FAT3: variants seen among roughly 807,000 people sequenced by gnomAD.
FAT3 encodes the protein FAT atypical cadherin 3.
A neutral mutation model predicts 310.2 loss-of-function variants in FAT3; 95 were observed. The ratio of observed to expected loss-of-function variants is 0.31; its 90% confidence interval spans 0.26 to 0.36. The LOEUF is 0.36. Ranked by LOEUF, FAT3 falls within the 10% of genes least tolerant of loss-of-function variation. The probability of loss-of-function intolerance (pLI) is 1.00; values close to 1 mark genes in which losing one functional copy is unlikely to be tolerated. For missense variants in FAT3, 5,408 were observed against 5,715.6 expected (o/e 0.95, Z 1.74); for synonymous variants, 2,314 against 2,192.9 (o/e 1.06, Z -1.54).
chr11:92,566,927 A>C (rs2135489381), intron 3 of FAT3, among the ~76,000 whole-genome samples: 1 of 152,260 alleles, frequency 6.6e-6, no homozygotes, highest in African/African-American at 2.4e-5. Flanking sequence ...CTAAAACCAT[A>C]AAAACCGTAG....
chr11:92,505,859 A>G (rs1437716804), intron 2 of FAT3, among the ~76,000 whole-genome samples: 3 of 152,174 alleles, frequency 2.0e-5, no homozygotes, highest in Non-Finnish European at 4.4e-5. Context: ...ACTATGTGCA[A>G]TAACTGTCAG....
chr11:92,544,370 A>G (rs973228359), intron 3 of FAT3, among the ~76,000 whole-genome samples: 3 of 152,170 alleles, frequency 2.0e-5, no homozygotes, highest in Admixed American at 1.3e-4. Context: ...GAATAAGTCA[A>G]ATGTTTCTAG....
At chr11:92,244,549 T>A (rs922292853) in intron 1 of FAT3, among the ~76,000 whole-genome samples, 5 of 152,140 alleles carry the variant, frequency 3.3e-5, no homozygotes, top group Non-Finnish European at 7.4e-5. Flanking sequence ...AGAGCTTTAA[T>A]CAGGAGTCAC....
intron 1 of FAT3, among the ~76,000 whole-genome samples, chr11:92,281,943 T>TC (rs1209116894): frequency 2.0e-5 from 3 of 150,602 alleles, no homozygotes; most frequent in East Asian, 1.9e-4. Context: ...TCTCTCTCTC[T>TC]TGCCCAGACT....
At chr11:92,290,335 G>T (rs201876975) in intron 1 of FAT3, among the ~76,000 whole-genome samples, 1 of 152,092 alleles carries the variant, frequency 6.6e-6, no homozygotes, top group East Asian at 1.9e-4. Flanking sequence ...GTCTGAGCCT[G>T]TATCACTAGC....
At chr11:92,514,678 C>A (rs1953416729) in intron 2 of FAT3, among the ~76,000 whole-genome samples, 1 of 152,074 alleles carries the variant, frequency 6.6e-6, no homozygotes, top group Non-Finnish European at 1.5e-5. Context: ...GAATCAGAGA[C>A]AGAGATCAGA....
chr11:92,471,915 CTATATATATATATATATATATATATA>C (rs140886151), intron 2 of FAT3, among the ~76,000 whole-genome samples: 6 of 124,932 alleles, frequency 4.8e-5, no homozygotes, highest in East Asian at 2.5e-4. Flanking sequence ...TTTTCATATG[CTATATATATATATATATATATATATA>C]TATATATATA....
intron 4 of FAT3, among the ~76,000 whole-genome samples, chr11:92,725,601 T>A (rs1944975728): frequency 6.6e-6 from 1 of 152,084 alleles, no homozygotes; most frequent in Admixed American, 6.6e-5. Flanking sequence ...TTTAACCAAT[T>A]CTATGGATGT....
chr11:92,769,848 A>G (rs1327729252), intron 6 of FAT3, among the ~76,000 whole-genome samples: 2 of 152,176 alleles, frequency 1.3e-5, no homozygotes, highest in Non-Finnish European at 2.9e-5. Flanking sequence ...CTGCTGTGTC[A>G]TAAGCTTTTG....
intron 1 of FAT3, among the ~76,000 whole-genome samples, chr11:92,241,327 G>A (rs1268682634): frequency 4.6e-5 from 7 of 151,994 alleles, no homozygotes; most frequent in Non-Finnish European, 1.0e-4. Context: ...TAGCATTGCA[G>A]GCACCTCAGC....
chr11:92,481,878 T>C (rs1412054560), intron 2 of FAT3, among the ~76,000 whole-genome samples: 1 of 152,178 alleles, frequency 6.6e-6, no homozygotes, highest in Non-Finnish European at 1.5e-5. Context: ...GTAATAAAAA[T>C]TATTGTTATA....
At chr11:92,606,608 G>A (rs1193479438) in intron 3 of FAT3, among the ~76,000 whole-genome samples, 1 of 152,204 alleles carries the variant, frequency 6.6e-6, no homozygotes, top group Non-Finnish European at 1.5e-5. Flanking sequence ...CTCAGTGTCA[G>A]TCATTCTGCT....
chr11:92,503,306 T>G (rs1400976009), intron 2 of FAT3, among the ~76,000 whole-genome samples: 1 of 152,190 alleles, frequency 6.6e-6, no homozygotes, highest in African/African-American at 2.4e-5. Context: ...GTAGTCATTT[T>G]AAAATAGTAA....
chr11:92,576,554 G>A (rs1938495677), intron 3 of FAT3, among the ~76,000 whole-genome samples: 1 of 152,190 alleles, frequency 6.6e-6, no homozygotes, highest in African/African-American at 2.4e-5. Flanking sequence ...TCAAATTCTA[G>A]CCTCTGTGAT....
chr11:92,733,121 T>TA (rs1945237490), intron 4 of FAT3, among the ~76,000 whole-genome samples: 1 of 152,018 alleles, frequency 6.6e-6, no homozygotes, highest in Non-Finnish European at 1.5e-5. Context: ...TACACAAGGG[T>TA]AGCAAAGACT....
intron 2 of FAT3, among the ~76,000 whole-genome samples, chr11:92,387,372 TC>T (rs1949649997): frequency 1.3e-5 from 2 of 152,048 alleles, no homozygotes; most frequent in South Asian, 4.2e-4. Context: ...CAAGATCAAA[TC>T]TGCATTTTGG....
At chr11:92,815,866 G>A (rs1947812879) in intron 13 of FAT3, among the ~76,000 whole-genome samples, 1 of 152,190 alleles carries the variant, frequency 6.6e-6, no homozygotes, top group African/African-American at 2.4e-5. Flanking sequence ...CATCGTGACA[G>A]TCTTGCCTTC....
chr11:92,503,629 CTCTT>C (rs1374953469), intron 2 of FAT3, among the ~76,000 whole-genome samples: 1 of 152,242 alleles, frequency 6.6e-6, no homozygotes, highest in Non-Finnish European at 1.5e-5. Context: ...CTCAACCTCT[CTCTT>C]TCTTTTGTTC....
chr11:92,822,364 C>G (rs1014504118), intron 13 of FAT3, among the ~76,000 whole-genome samples: 3 of 151,490 alleles, frequency 2.0e-5, no homozygotes, highest in African/African-American at 7.3e-5. Flanking sequence ...CAGTCTGGAT[C>G]GAACACTCGG....
Sources: gnomAD v4.1 joint callset for allele counts (sites outside exome capture counted in the v4.1 genomes callset) on GRCh38, gnomAD v4.1.1 for gene constraint, MANE v1.5 for transcripts, NCBI Gene and HGNC (gene_info 2026-07-23, HGNC 2026-07-21) for gene names.